OSBP2: variants seen among roughly 807,000 people sequenced by gnomAD.
OSBP2 encodes oxysterol binding protein 2.
OSBP2 carries 66 observed loss-of-function variants against 96.0 expected under a neutral mutation model. The ratio of observed to expected loss-of-function variants is 0.69; its 90% CI spans 0.56 to 0.84. The LOEUF (loss-of-function observed/expected upper bound fraction) is 0.84, where lower values mean the gene tolerates loss of function less well. Among genes scored for constraint, OSBP2 ranks in the 40% least tolerant of loss-of-function variants. The pLI, the probability that OSBP2 is intolerant of heterozygous loss-of-function variation, is 0.00. For missense variants in OSBP2, 1,038 were observed against 1,222.7 expected, an observed-to-expected ratio of 0.85 and a Z score of 2.25; for synonymous variants, 525 against 520.9, an observed-to-expected ratio of 1.01 and a Z score of -0.11.
intron 2 of OSBP2, among the ~76,000 whole-genome samples, chr22:30,747,576 C>T (rs1426135191): frequency 6.6e-6 from 1 of 152,200 alleles, no homozygotes; most frequent in Non-Finnish European, 1.5e-5. Flanking sequence ...AAGTGGCTTG[C>T]TAGTGGTCGT....
intron 1 of OSBP2, among the ~76,000 whole-genome samples, chr22:30,698,928 C>G (rs1489685936): frequency 6.6e-6 from 1 of 151,594 alleles, no homozygotes; most frequent in Non-Finnish European, 1.5e-5. Context: ...ATTTAAAAGT[C>G]CATATTTTTT....
At chr22:30,742,557 C>T (rs1425580390) in intron 2 of OSBP2, among the ~76,000 whole-genome samples, 1 of 152,212 alleles carries the variant, frequency 6.6e-6, no homozygotes, top group Non-Finnish European at 1.5e-5. Flanking sequence ...TGTATCTTCA[C>T]ATGTATATTC....
chr22:30,850,199 G>GGGA (rs1413886297), intron 2 of OSBP2, among the ~76,000 whole-genome samples: 1 of 151,808 alleles, frequency 6.6e-6, no homozygotes, highest in Non-Finnish European at 1.5e-5. Context: ...CCAGCTACTT[G>GGGA]GGAGGCTGAG....
At chr22:30,752,423 C>T (rs1193564904) in intron 2 of OSBP2, among the ~76,000 whole-genome samples, 4 of 150,674 alleles carry the variant, frequency 2.7e-5, no homozygotes, top group East Asian at 2.0e-4. Flanking sequence ...CTCAGCTTCC[C>T]GAGTAGCTGG....
intron 2 of OSBP2, among the ~76,000 whole-genome samples, chr22:30,802,276 G>C (rs1354695074): frequency 6.6e-6 from 1 of 152,210 alleles, no homozygotes; most frequent in Non-Finnish European, 1.5e-5. Flanking sequence ...ATGTGGAAGC[G>C]GTTCTGCGAG....
intron 2 of OSBP2, among the ~76,000 whole-genome samples, chr22:30,868,359 G>A (rs2039388725): frequency 6.6e-6 from 1 of 152,224 alleles, no homozygotes; most frequent in Non-Finnish European, 1.5e-5. Flanking sequence ...TCTACCGTGA[G>A]GCCCAGAGCA....
At chr22:30,717,942 C>T (rs1262235624) in intron 1 of OSBP2, among the ~76,000 whole-genome samples, 2 of 152,128 alleles carry the variant, frequency 1.3e-5, no homozygotes, top group African/African-American at 4.8e-5. Context: ...AACACATTGC[C>T]CAGTGGTGAT....
intron 1 of OSBP2, among the ~76,000 whole-genome samples, chr22:30,698,019 G>A (rs973935219): frequency 5.3e-5 from 8 of 152,266 alleles, no homozygotes; most frequent in Middle Eastern, 3.4e-3. Context: ...GTTTGACGCC[G>A]CTCTCCTGTC....
At chr22:30,775,494 G>A (rs2090419604) in intron 2 of OSBP2, among the ~76,000 whole-genome samples, 1 of 151,690 alleles carries the variant, frequency 6.6e-6, no homozygotes, top group South Asian at 2.1e-4. Context: ...GTGGGTGTCT[G>A]TAATCCCAGC....
At chr22:30,718,970 T>C (rs928079981) in intron 1 of OSBP2, among the ~76,000 whole-genome samples, 4 of 152,234 alleles carry the variant, frequency 2.6e-5, no homozygotes, top group African/African-American at 7.2e-5. Context: ...AATAAAATTA[T>C]TTTGCTAGAT....
At chr22:30,724,671 A>C (rs1399964463) in intron 1 of OSBP2, among the ~76,000 whole-genome samples, 1 of 152,242 alleles carries the variant, frequency 6.6e-6, no homozygotes, top group Non-Finnish European at 1.5e-5. Flanking sequence ...AAGCTGCTAT[A>C]AACACCCGTT....
intron 2 of OSBP2, among the ~76,000 whole-genome samples, chr22:30,767,197 G>A (rs2090286055): frequency 6.7e-6 from 1 of 149,060 alleles, no homozygotes; most frequent in Non-Finnish European, 1.5e-5. Flanking sequence ...GAAATCCCAG[G>A]CACTCTGGAG....
intron 2 of OSBP2, chr22:30,770,732 G>T (rs2090336864): frequency 6.5e-6 from 1 of 152,780 alleles, no homozygotes; most frequent in Non-Finnish European, 1.5e-5. Context: ...TTCTCTCCCG[G>T]TGTCCCCTCT....
Position 30,790,554 on chromosome 22 carries a change from A to G in OSBP2, c.853+49185A>G, listed in dbSNP as rs182606728. On this transcript the variant is annotated intron_variant, in intron 2 of 13. Coordinates refer to ENST00000332585, the MANE Select transcript of OSBP2 (RefSeq NM_030758.4). ...ATGTGGTTGCTCCAAGGCAGTTTCTACTGCTGCTTGCTCATGTGTCTGTAG... is the reference window on the plus strand; with the variant it reads ...ATGTGGTTGCTCCAAGGCAGTTTCTGCTGCTGCTTGCTCATGTGTCTGTAG... 2.1e-3 allele frequency among the ~76,000 whole-genome samples: 319 copies of G among 151,640 alleles called. 1 individual carries two copies. The highest frequency in any genetic ancestry group is 3.3e-3 in the Non-Finnish European group (226 of 67,954).
intron 2 of OSBP2, among the ~76,000 whole-genome samples, chr22:30,812,207 C>G (rs2091017774): frequency 1.3e-5 from 2 of 152,148 alleles, no homozygotes; most frequent in African/African-American, 4.8e-5. Context: ...GCTCTGTCGC[C>G]CAGGCTGGGG....
In OSBP2 at chr22:30,694,918, A is replaced by G; in HGVS notation, c.9A>G (p.Lys3=). Residue 3 remains lysine, a synonymous_variant, in exon 1 of 14, where the codon AAA becomes AAG. Transcript: ENST00000332585. MG[K]AAAPSRGGGC... The stretch of plus-strand genomic sequence containing the variant: ...GCGGGTCGGCCGGCTCTATGGGGAA[A>G]GCGGCGGCTCCGAGCCGAGGCGGCG... The G allele has an allele frequency of 7.0e-7, 1 of 1,430,776 alleles. No individual in the cohort carries two copies. Among genetic ancestry groups the G allele is most frequent in the Non-Finnish European group, 9.1e-7 (1 of 1,097,716 alleles). 88.6% of individuals were successfully genotyped at this position (1,430,776 alleles called of 1,614,324 possible). A position where few individuals can be genotyped will look rare whatever the true frequency, so the allele number is the denominator to read the frequency against.
chr22:30,894,299 A>AAAATGTGGC (rs1343988522), intron 12 of OSBP2: 1 of 348,822 alleles, frequency 2.9e-6, no homozygotes, highest in Non-Finnish European at 5.2e-6. Context: ...AGAAAACTAT[A>AAAATGTGGC]AAATGTGGCA....
chr22:30,715,463 A>G (rs540322226), intron 1 of OSBP2, among the ~76,000 whole-genome samples: 136 of 150,310 alleles, frequency 9.0e-4, no homozygotes, highest in Middle Eastern at 6.9e-3. Context: ...TGCAGCCCCA[A>G]CCTCTGGGGC....
At chr22:30,865,354 G>C (rs2039313112) in intron 2 of OSBP2, among the ~76,000 whole-genome samples, 1 of 152,176 alleles carries the variant, frequency 6.6e-6, no homozygotes, top group Non-Finnish European at 1.5e-5. Context: ...GCCGGGCATG[G>C]TGGCTCACGC....
Sources: allele counts gnomAD v4.1 joint callset (sites outside exome capture counted in the v4.1 genomes callset), GRCh38; gene constraint gnomAD v4.1.1; transcripts MANE v1.5; gene names NCBI Gene and HGNC (gene_info 2026-07-23, HGNC 2026-07-21).